Variants in ANKRD33B observed in about 807,000 individuals in gnomAD.
The protein encoded by ANKRD33B is ankyrin repeat domain 33B, also known as ankyrin repeat domain-containing protein 33B.
A neutral mutation model predicts 21.5 loss-of-function variants in ANKRD33B; 6 were observed. The ratio of observed to expected loss-of-function variants is 0.28; its 90% CI spans 0.15 to 0.55. The LOEUF (loss-of-function observed/expected upper bound fraction) is 0.55, where lower values mean the gene tolerates loss of function less well. ANKRD33B is among the 20% of genes least tolerant of loss of function. ANKRD33B has a pLI of 0.94. For synonymous variants in ANKRD33B, 347 were observed against 342.4 expected, an observed-to-expected ratio of 1.01 and a Z score of -0.15; for missense variants, 698 against 747.2, an observed-to-expected ratio of 0.93 and a Z score of 0.77.
At chr5:10,642,021 T>A (rs1737073763) in intron 3 of ANKRD33B, among the ~76,000 whole-genome samples, 2 of 152,240 alleles carry the variant, frequency 1.3e-5, no homozygotes, top group Admixed American at 1.3e-4. Flanking sequence ...GATCTAGTTA[T>A]AATTGGGCGT....
intron 1 of ANKRD33B, among the ~76,000 whole-genome samples, chr5:10,602,853 C>T (rs1025923000): frequency 5.3e-5 from 8 of 150,310 alleles, no homozygotes; most frequent in African/African-American, 1.7e-4. Flanking sequence ...CAGTCTGTCA[C>T]CCAGGTTGGA....
At chr5:10,635,452 G>A (rs1222093315) in intron 2 of ANKRD33B, among the ~76,000 whole-genome samples, 4 of 152,334 alleles carry the variant, frequency 2.6e-5, no homozygotes, top group South Asian at 2.1e-4. Context: ...GCAATGTGGT[G>A]TAAATGAGTC....
intron 1 of ANKRD33B, among the ~76,000 whole-genome samples, chr5:10,571,494 C>T (rs1735186584): frequency 6.6e-6 from 1 of 152,070 alleles, no homozygotes; most frequent in Non-Finnish European, 1.5e-5. Flanking sequence ...GTGCCACCGC[C>T]CCTGGCCTCT....
intron 1 of ANKRD33B, among the ~76,000 whole-genome samples, chr5:10,601,938 T>C (rs2170698): frequency 0.89 from 136,214 of 152,290 alleles, 60,911 homozygotes; most frequent in East Asian, 0.94. Context: ...CTGGTGCACA[T>C]GAGAACAAGA....
chr5:10,604,546 G>A (rs1339493971), intron 1 of ANKRD33B, among the ~76,000 whole-genome samples: 1 of 149,484 alleles, frequency 6.7e-6, no homozygotes, highest in East Asian at 2.0e-4. Context: ...GAAAAATATA[G>A]CACTCTCCTG....
At chr5:10,569,860 T>A (rs1424250651) in intron 1 of ANKRD33B, among the ~76,000 whole-genome samples, 1 of 152,008 alleles carries the variant, frequency 6.6e-6, no homozygotes, top group African/African-American at 2.4e-5. Context: ...GAGGCCCATG[T>A]GTTTTTTGTT....
intron 1 of ANKRD33B, among the ~76,000 whole-genome samples, chr5:10,586,463 G>A (rs1735561412): frequency 1.3e-5 from 2 of 151,108 alleles, no homozygotes; most frequent in South Asian, 2.1e-4. Flanking sequence ...GTGAGAATAC[G>A]ATGTGCGTTG....
chr5:10,569,661 A>G (rs1178444270), intron 1 of ANKRD33B, among the ~76,000 whole-genome samples: 1 of 151,984 alleles, frequency 6.6e-6, no homozygotes, highest in Non-Finnish European at 1.5e-5. Flanking sequence ...TTGCATCTCC[A>G]AATTCTGAAC....
In ANKRD33B at chr5:10,571,482, C is replaced by T. The variant is rs558035816; in HGVS notation, c.366+6649C>T. On this transcript the variant is annotated intron_variant, in intron 1 of 3. Transcript: ENST00000296657. ...CTCCCAAAGCGCTGGGATTACAGGC[C>T]TGTGCCACCGCCCCTGGCCTCTTGA... 2.6e-5 allele frequency among the ~76,000 whole-genome samples: 4 copies of T among 152,048 alleles called. No homozygotes were observed. The South Asian group carries it at 8.3e-4, about 32-fold the overall frequency.
At chr5:10,643,362 G>T (rs1560987043) in intron 3 of ANKRD33B, among the ~76,000 whole-genome samples, 2 of 152,082 alleles carry the variant, frequency 1.3e-5, no homozygotes, top group South Asian at 4.2e-4. Flanking sequence ...AATGTCTCTA[G>T]ATGTTGCTCA....
intron 1 of ANKRD33B, among the ~76,000 whole-genome samples, chr5:10,592,901 C>A (rs1304981815): frequency 1.3e-5 from 2 of 152,042 alleles, no homozygotes; most frequent in Admixed American, 1.3e-4. Flanking sequence ...CTGATCAGAC[C>A]CATCCACCCA....
rs1274274822 is a variant in ANKRD33B at position 10,638,285 on chromosome 5, A to T, written c.637+117A>T. 2.6e-5 allele frequency: 34 copies of T among 1,283,114 alleles called. No homozygotes were observed. In the South Asian group the frequency reaches 4.7e-4, roughly 18 times the overall value. The allele number at this position is 1,283,114 out of a possible 1,614,324, so 79.5% of individuals were successfully genotyped here. ...AGAAACAATGCCTAGTTGCTGCAATAAATAATAGTTTCTTCACTGACATAT... is the reference window on the plus strand; with the variant it reads ...AGAAACAATGCCTAGTTGCTGCAATTAATAATAGTTTCTTCACTGACATAT... On this transcript the variant is annotated intron_variant, in intron 3 of 3. Coordinates refer to ENST00000296657, the MANE Select transcript of ANKRD33B (RefSeq NM_001164440.2).
intron 1 of ANKRD33B, among the ~76,000 whole-genome samples, chr5:10,567,858 C>G (rs1168518595): frequency 2.0e-5 from 3 of 152,168 alleles, no homozygotes; most frequent in Non-Finnish European, 4.4e-5. Context: ...AAGGCCCGGA[C>G]AGCTTTGGTG....
chr5:10,638,850 TAA>T (rs1736939366), intron 3 of ANKRD33B, among the ~76,000 whole-genome samples: 1 of 152,314 alleles, frequency 6.6e-6, no homozygotes, highest in Admixed American at 6.5e-5. Context: ...ATGGTAACAT[TAA>T]GAGGCAATGT....
intron 1 of ANKRD33B, among the ~76,000 whole-genome samples, chr5:10,607,697 A>G (rs1036365674): frequency 2.0e-5 from 3 of 152,186 alleles, no homozygotes; most frequent in African/African-American, 7.2e-5. Context: ...GCTACTGTAT[A>G]TGATAAGTGG....
At chr5:10,597,591 T>C (rs1735845018) in intron 1 of ANKRD33B, among the ~76,000 whole-genome samples, 1 of 152,156 alleles carries the variant, frequency 6.6e-6, no homozygotes. Flanking sequence ...ACAATAATAA[T>C]GGGAGACTTT....
At position 10,649,931 on chromosome 5, in the gene ANKRD33B, ACCTTCCAG is replaced by A; in HGVS notation, c.1306_1313del (p.Phe436ArgfsTer127). 6.6e-7 allele frequency: 1 copy of A among 1,525,500 alleles called. No homozygotes were observed. Among genetic ancestry groups the A allele is most frequent in the Non-Finnish European group, 8.8e-7 (1 of 1,142,020 alleles). The allele number at this position is 1,525,500 out of a possible 1,614,324, so 94.5% of individuals were successfully genotyped here. On this transcript the variant is annotated frameshift_variant, in exon 4 of 4. Coordinates refer to ENST00000296657, the MANE Select transcript of ANKRD33B (RefSeq NM_001164440.2). LOFTEE classifies it high-confidence loss of function. The stretch of plus-strand genomic sequence containing the variant: ...CCGAGTCAGCAAGGCGCCCGCGCCC[ACCTTCCAG>A]CCCGAGCGGCCGGCGCGGAAGGGCA...
chr5:10,608,490 G>A (rs1379566566), intron 1 of ANKRD33B, among the ~76,000 whole-genome samples: 1 of 152,148 alleles, frequency 6.6e-6, no homozygotes, highest in Non-Finnish European at 1.5e-5. Flanking sequence ...AGACCAATGG[G>A]AGCAACTCTC....
intron 1 of ANKRD33B, among the ~76,000 whole-genome samples, chr5:10,605,769 TC>T: frequency 6.6e-6 from 1 of 152,316 alleles, no homozygotes; most frequent in African/African-American, 2.4e-5. Flanking sequence ...CCTCAGGTGA[TC>T]CGCCTGCCTC....
Sources: allele counts gnomAD v4.1 joint callset (sites outside exome capture counted in the v4.1 genomes callset), GRCh38; gene constraint gnomAD v4.1.1; transcripts MANE v1.5; gene names NCBI Gene and HGNC (gene_info 2026-07-23, HGNC 2026-07-21).